The following MAPKAP1 variants were observed in gnomAD, a reference collection of about 807,000 sequenced individuals.
MAPKAP1 encodes MAPK associated protein 1.
Under a neutral mutation model 65.7 loss-of-function variants are expected in MAPKAP1, and 20 were observed. The observed-to-expected ratio is 0.30, with a 90% CI of 0.21 to 0.44. MAPKAP1 has a LOEUF of 0.44. Among genes scored for constraint, MAPKAP1 ranks in the 20% least tolerant of loss-of-function variants. The probability of loss-of-function intolerance (pLI) is 1.00; values close to 1 mark genes in which losing one functional copy is unlikely to be tolerated. For missense variants in MAPKAP1, 423 were observed against 648.0 expected, an observed-to-expected ratio of 0.65 and a Z score of 3.77; for synonymous variants, 222 against 244.3, an observed-to-expected ratio of 0.91 and a Z score of 0.85.
At position 125,527,345 on chromosome 9, in the gene MAPKAP1, C is replaced by T. The variant is rs151069114; in HGVS notation, c.958+15714G>A. Among the ~76,000 whole-genome samples, 467 of 152,258 alleles carry T rather than the reference C, an allele frequency of 3.1e-3. 2 individuals carry two copies. The highest frequency in any genetic ancestry group is 6.8e-3 in the Middle Eastern group (2 of 294). On this transcript the variant is annotated intron_variant, in intron 7 of 11. Coordinates refer to ENST00000265960, the MANE Select transcript of MAPKAP1 (RefSeq NM_001006617.3). ...CCTCCCAAAGTGCTGGGATTACAGGCGTGAGCCACCGCGCCCGGGCCTCAT... is the reference window on the plus strand; with the variant it reads ...CCTCCCAAAGTGCTGGGATTACAGGTGTGAGCCACCGCGCCCGGGCCTCAT...
At chr9:125,594,286 T>C (rs1832059749) in intron 4 of MAPKAP1, among the ~76,000 whole-genome samples, 1 of 152,262 alleles carries the variant, frequency 6.6e-6, no homozygotes, top group South Asian at 2.1e-4. Flanking sequence ...GATGGCCTAG[T>C]GGTAGCATTC....
chr9:125,484,620 A>G (rs1156799547), intron 8 of MAPKAP1, 37 bp from the exon 9 acceptor site: 1 of 1,573,762 alleles, frequency 6.4e-7, no homozygotes, highest in South Asian at 1.2e-5. Flanking sequence ...ATAAAGATAC[A>G]TGAGGCTTGG....
At chr9:125,652,382 A>ATT (rs1371201400) in intron 4 of MAPKAP1, 1 of 510,082 alleles carries the variant, frequency 2.0e-6, no homozygotes, top group Non-Finnish European at 2.6e-6. Flanking sequence ...CAGGCTCGAC[A>ATT]TTGTGGAATA....
At chr9:125,691,030 G>A (rs928224253) in intron 1 of MAPKAP1, among the ~76,000 whole-genome samples, 13 of 152,330 alleles carry the variant, frequency 8.5e-5, no homozygotes, top group African/African-American at 2.6e-4. Context: ...GGGAGGCCGA[G>A]GTGGGTGGAT....
intron 10 of MAPKAP1, among the ~76,000 whole-genome samples, chr9:125,445,722 G>A (rs1226199409): frequency 2.0e-5 from 3 of 152,254 alleles, no homozygotes; most frequent in African/African-American, 7.2e-5. Flanking sequence ...GGGACTCCCA[G>A]GCTCAGGCCC....
chr9:125,684,343 T>C (rs546511035), intron 1 of MAPKAP1, among the ~76,000 whole-genome samples: 1 of 152,214 alleles, frequency 6.6e-6, no homozygotes, highest in Admixed American at 6.5e-5. Context: ...AGCCAGTGGG[T>C]AGATGCCAGT....
intron 11 of MAPKAP1, among the ~76,000 whole-genome samples, chr9:125,441,724 C>T (rs745974022): frequency 3.3e-5 from 5 of 152,158 alleles, no homozygotes; most frequent in Admixed American, 6.5e-5. Context: ...CCCAAGCTCC[C>T]GGACACAGGG....
chr9:125,677,352 G>C (rs1174720178), intron 1 of MAPKAP1, among the ~76,000 whole-genome samples: 1 of 152,098 alleles, frequency 6.6e-6, no homozygotes, highest in Non-Finnish European at 1.5e-5. Context: ...GGTGAGCCAA[G>C]ATGGTGCCAC....
chr9:125,585,851 G>C, intron 4 of MAPKAP1, 124 bp from the exon 5 acceptor site: 1 of 858,402 alleles, frequency 1.2e-6, no homozygotes, highest in South Asian at 2.0e-5. Flanking sequence ...CTGTGACCAT[G>C]GAATGGTCCC....
chr9:125,707,143 T>C lies in MAPKAP1; in HGVS notation c.-242A>G, dbSNP rs1835790326. The C allele has an allele frequency of 1.0e-5, 4 of 398,120 alleles. No individual in the cohort carries two copies. Among genetic ancestry groups the C allele is most frequent in the South Asian group, 1.3e-4 (1 of 7,862 alleles). 24.7% of individuals were successfully genotyped at this position (398,120 alleles called of 1,614,324 possible). On this transcript the variant is annotated 5_prime_UTR_variant, in exon 1 of 12. It removes an upstream start codon present in the reference 5' UTR. Transcript: ENST00000265960. The stretch of plus-strand genomic sequence containing the variant: ...CTGCCGCTTCCCGGGTTAGCCCTCA[T>C]GCCCCTGCTGCTCGCCGCCGCCGGC...
chr9:125,595,089 G>T lies in MAPKAP1; in HGVS notation c.499-9362C>A, dbSNP rs972178817. ...GGTACCACCTATTCTCCCATTTTTAGAAATGGAAGCTGTTTACAATATTCC... is the reference window on the plus strand; with the variant it reads ...GGTACCACCTATTCTCCCATTTTTATAAATGGAAGCTGTTTACAATATTCC... On this transcript the variant is annotated intron_variant, in intron 4 of 11. Transcript: ENST00000265960. The surrounding 1 kb of genome is among the most constrained non-coding windows in gnomAD (Gnocchi z 4.0). 2.6e-5 allele frequency among the ~76,000 whole-genome samples: 4 copies of T among 152,104 alleles called. No individual in the cohort carries two copies. The highest frequency in any genetic ancestry group is 4.4e-5 in the Non-Finnish European group (3 of 68,020).
chr9:125,557,415 A>G (rs1830767682), intron 6 of MAPKAP1, among the ~76,000 whole-genome samples: 2 of 152,238 alleles, frequency 1.3e-5, no homozygotes, highest in African/African-American at 2.4e-5. Flanking sequence ...CTTTTAGAGT[A>G]GAAAAAAAAA....
intron 4 of MAPKAP1, among the ~76,000 whole-genome samples, chr9:125,592,852 G>C (rs992796516): frequency 7.1e-6 from 1 of 140,010 alleles, no homozygotes; most frequent in African/African-American, 2.6e-5. Context: ...GCAGTGAGCC[G>C]AGATAGCACC....
Position 125,669,866 on chromosome 9 carries a change from T to C in MAPKAP1, c.301A>G (p.Ile101Val). 6.3e-7 allele frequency: 1 copy of C among 1,598,482 alleles called. No individual in the cohort carries two copies. Among genetic ancestry groups the C allele is most frequent in the African/African-American group, 1.3e-5 (1 of 74,762 alleles). ...ERLRKERQNQ[I>V]KCKNIQWKER... is the part of the protein sequence containing the mutation. ...TTCCACTGAATATTTTTGCATTTGATCTGGTTTTGTCTCTCTTTTCGGAGT... is the reference window on the plus strand; with the variant it reads ...TTCCACTGAATATTTTTGCATTTGACCTGGTTTTGTCTCTCTTTTCGGAGT... The change falls in exon 3 of 12, where the codon ATC becomes GTC. Residue 101 changes from isoleucine (I) to valine (V), a missense_variant. Around this residue, in one of 6 missense-constraint regions of MAPKAP1, gnomAD observed 67 missense variants for 69.6 expected, o/e 0.96. Coordinates refer to ENST00000265960, the MANE Select transcript of MAPKAP1 (RefSeq NM_001006617.3).
At chr9:125,596,516 G>A in intron 4 of MAPKAP1, 1 of 730,532 alleles carries the variant, frequency 1.4e-6, no homozygotes, top group Non-Finnish European at 2.5e-6. Flanking sequence ...TTTGGAGGCA[G>A]AAGCTCTGGC....
At chr9:125,482,931 T>C (rs1854370563) in intron 9 of MAPKAP1, among the ~76,000 whole-genome samples, 1 of 152,194 alleles carries the variant, frequency 6.6e-6, no homozygotes, top group Non-Finnish European at 1.5e-5. Flanking sequence ...TGCTGCGGCA[T>C]TTCATCCTCA....
chr9:125,554,794 C>CAAAAAAAAAAAAAAAAAAAAA (rs56911891), intron 6 of MAPKAP1, among the ~76,000 whole-genome samples: 1 of 65,628 alleles, frequency 1.5e-5, no homozygotes, highest in Non-Finnish European at 2.7e-5. Context: ...AGACACTTAT[C>CAAAAAAAAAAAAAAAAAAAAA]AAAAAAAAAA....
intron 1 of MAPKAP1, among the ~76,000 whole-genome samples, chr9:125,706,586 T>C (rs1835766554): frequency 2.0e-5 from 3 of 151,844 alleles, no homozygotes; most frequent in African/African-American, 4.8e-5. Flanking sequence ...TTAACCTCTT[T>C]AAGGGGGAGG....
At chr9:125,614,308 A>G (rs1369904193) in intron 4 of MAPKAP1, among the ~76,000 whole-genome samples, 1 of 152,250 alleles carries the variant, frequency 6.6e-6, no homozygotes, top group Non-Finnish European at 1.5e-5. Flanking sequence ...TTGGTTTAAC[A>G]TAAGATGATA....
Sources: allele counts gnomAD v4.1 joint callset (sites outside exome capture counted in the v4.1 genomes callset), GRCh38; gene constraint gnomAD v4.1.1; regional missense constraint gnomAD v4.1.1; non-coding constraint Gnocchi (gnomAD v3.1); transcripts MANE v1.5; gene names NCBI Gene and HGNC (gene_info 2026-07-23, HGNC 2026-07-21).